The following RASAL2 variants were observed in gnomAD, a reference collection of about 807,000 sequenced individuals.
RASAL2 encodes the protein RAS protein activator like 2.
A neutral mutation model predicts 128.9 loss-of-function variants in RASAL2; 58 were observed. The observed-to-expected ratio is 0.45, with a 90% CI of 0.36 to 0.56. The LOEUF (loss-of-function observed/expected upper bound fraction) is 0.56. RASAL2 is among the 20% of genes least tolerant of loss of function. The probability of loss-of-function intolerance (pLI) is 0.00; values close to 1 mark genes in which losing one functional copy is unlikely to be tolerated. For missense variants in RASAL2, 1,360 were observed against 1,601.6 expected, an observed-to-expected ratio of 0.85 and a Z score of 2.57; for synonymous variants, 561 against 580.8, an observed-to-expected ratio of 0.97 and a Z score of 0.49.
Position 178,094,488 on chromosome 1 carries a change from G to A in RASAL2, c.-5G>A. ...CGCCTCGTCCCCCTCCCGCCTCGGG[G>A]CACCATGGAGCTCTCTCCGTCGTCC... On this transcript the variant is annotated 5_prime_UTR_variant, in exon 1 of 18. Transcript: ENST00000367649. 2 of 1,547,614 alleles carry A rather than the reference G, an allele frequency of 1.3e-6. No homozygotes were observed.
At chr1:178,381,459 CTTTT>C (rs1366029254) in intron 3 of RASAL2, among the ~76,000 whole-genome samples, 1 of 151,666 alleles carries the variant, frequency 6.6e-6, no homozygotes, top group Non-Finnish European at 1.5e-5. Context: ...AGGCTCCTTT[CTTTT>C]TTATTACCTT....
At chr1:178,276,520 T>G (rs951134742) in intron 1 of RASAL2, among the ~76,000 whole-genome samples, 5 of 120,328 alleles carry the variant, frequency 4.2e-5, no homozygotes, top group East Asian at 4.9e-4. Flanking sequence ...AATTTTTTTG[T>G]TTTTTTTTTT....
intron 3 of RASAL2, among the ~76,000 whole-genome samples, chr1:178,331,355 C>T (rs1178395815): frequency 6.6e-6 from 1 of 152,124 alleles, no homozygotes; most frequent in Non-Finnish European, 1.5e-5. Context: ...GCGTTCTATA[C>T]TCCCGTGTCC....
At chr1:178,351,224 C>T (rs1670459771) in intron 3 of RASAL2, among the ~76,000 whole-genome samples, 1 of 152,166 alleles carries the variant, frequency 6.6e-6, no homozygotes, top group African/African-American at 2.4e-5. Context: ...GAGATTTGGG[C>T]AGGGATACAG....
chr1:178,382,840 A>T (rs943383345), intron 3 of RASAL2, among the ~76,000 whole-genome samples: 1 of 152,126 alleles, frequency 6.6e-6, no homozygotes, highest in Non-Finnish European at 1.5e-5. Context: ...TAAGATACCC[A>T]CTTGTCATCA....
chr1:178,323,884 CAAG>C (rs1185748472), intron 3 of RASAL2, among the ~76,000 whole-genome samples: 1 of 152,104 alleles, frequency 6.6e-6, no homozygotes, highest in Non-Finnish European at 1.5e-5. Context: ...AAAAACCACA[CAAG>C]AAGATTTAGC....
intron 4 of RASAL2, among the ~76,000 whole-genome samples, chr1:178,398,651 A>G (rs1673415819): frequency 6.6e-6 from 1 of 152,174 alleles, no homozygotes. Context: ...TCTCATAGTA[A>G]TTTAAACTCA....
chr1:178,224,428 G>A (rs1195276859), intron 1 of RASAL2, among the ~76,000 whole-genome samples: 3 of 152,046 alleles, frequency 2.0e-5, no homozygotes, highest in Non-Finnish European at 4.4e-5. Flanking sequence ...CTGATACTTA[G>A]AAGAAAGGTA....
At chr1:178,318,156 G>C (rs949819174) in intron 3 of RASAL2, among the ~76,000 whole-genome samples, 1 of 152,148 alleles carries the variant, frequency 6.6e-6, no homozygotes, top group Non-Finnish European at 1.5e-5. Context: ...TGGTCTGAGA[G>C]ACAGTTTGTT....
chr1:178,427,527 T>C (rs921379893), intron 5 of RASAL2, among the ~76,000 whole-genome samples: 11 of 152,158 alleles, frequency 7.2e-5, no homozygotes, highest in Non-Finnish European at 1.5e-4. Context: ...CATTGGTAGG[T>C]GGAATTATGG....
Position 178,441,644 on chromosome 1 carries a change from T to C in RASAL2, c.924T>C (p.Asn308=). Residue 308 remains asparagine, a synonymous_variant, in exon 7 of 18, where the codon AAT becomes AAC. Coordinates refer to ENST00000367649, the MANE Select transcript of RASAL2 (RefSeq NM_170692.4). The part of the protein sequence containing the change: ...MENLRRTVQP[N]KDNCRRAENV... ...ACCTTCGCAGGACAGTTCAACCTAA[T>C]AAGGTAATAGTAGCTTCAAGTATCT... The C allele has an allele frequency of 6.2e-7, 1 of 1,608,294 alleles. No homozygotes were observed. Among genetic ancestry groups the C allele is most frequent in the African/African-American group, 1.3e-5 (1 of 74,864 alleles).
intron 1 of RASAL2, among the ~76,000 whole-genome samples, chr1:178,173,901 CT>C (rs201900537): frequency 5.9e-5 from 2 of 34,032 alleles, no homozygotes; most frequent in African/African-American, 6.0e-5. Flanking sequence ...GAAAAACAAG[CT>C]TTTTTTTTTT....
intron 1 of RASAL2, among the ~76,000 whole-genome samples, chr1:178,280,727 GACAGAGCAAATCCAA>G (rs571869794): frequency 1.5e-3 from 232 of 152,164 alleles, no homozygotes; most frequent in African/African-American, 5.4e-3. Flanking sequence ...CCTAGGAATG[GACAGAGCAAATCCAA>G]AATTGTTTTC....
At chr1:178,374,600 T>TA (rs1184473088) in intron 3 of RASAL2, among the ~76,000 whole-genome samples, 4 of 152,140 alleles carry the variant, frequency 2.6e-5, no homozygotes, top group Non-Finnish European at 4.4e-5. Flanking sequence ...ATTAATCTGT[T>TA]AAAAAACCTT....
chr1:178,307,028 A>C (rs1668025555), intron 3 of RASAL2, among the ~76,000 whole-genome samples: 3 of 152,044 alleles, frequency 2.0e-5, no homozygotes, highest in Admixed American at 1.3e-4. Flanking sequence ...AAAAGAAAAA[A>C]AAAAAGCACG....
At chr1:178,335,709 C>G (rs1669552548) in intron 3 of RASAL2, among the ~76,000 whole-genome samples, 1 of 152,148 alleles carries the variant, frequency 6.6e-6, no homozygotes, top group East Asian at 1.9e-4. Flanking sequence ...TCTCCAGTTG[C>G]TGAAACAAAT....
chr1:178,213,356 A>T (rs1663319325), intron 1 of RASAL2, among the ~76,000 whole-genome samples: 2 of 152,168 alleles, frequency 1.3e-5, no homozygotes, highest in Non-Finnish European at 2.9e-5. Flanking sequence ...ATTCACTAAA[A>T]TTACACATGT....
chr1:178,456,722 C>A lies in RASAL2; in HGVS notation c.2213C>A (p.Ala738Glu). 1.2e-6 allele frequency: 2 copies of A among 1,614,060 alleles called. No homozygotes were observed. Among genetic ancestry groups the A allele is most frequent in the Non-Finnish European group, 8.5e-7 (1 of 1,179,990 alleles). ...LWEVVSQLDK[A>E]TVAKLGPLPR... ...TAGGGTGAAAATTCCTTCCTACAGG[C>A]GACCGTGGCAAAATTGGGGCCTCTC... The change falls in exon 13 of 18, where the codon GCG becomes GAG. Residue 738 changes from alanine to glutamate, a missense_variant and splice_region_variant. This residue lies in a region of RASAL2 where 741 missense variants were observed against 868.6 expected (regional missense o/e 0.85). Coordinates refer to ENST00000367649, the MANE Select transcript of RASAL2 (RefSeq NM_170692.4).
At chr1:178,318,786 C>T (rs200558935) in intron 3 of RASAL2, among the ~76,000 whole-genome samples, 1 of 151,846 alleles carries the variant, frequency 6.6e-6, no homozygotes, top group Non-Finnish European at 1.5e-5. Flanking sequence ...GCATTTAGTC[C>T]ATTTATATTT....
Sources: gnomAD v4.1 joint callset for allele counts (sites outside exome capture counted in the v4.1 genomes callset) on GRCh38, gnomAD v4.1.1 for gene constraint, gnomAD v4.1.1 regional missense constraint, MANE v1.5 for transcripts, NCBI Gene and HGNC (gene_info 2026-07-23, HGNC 2026-07-21) for gene names.